The following ANPEP variants were observed in gnomAD, a reference collection of about 807,000 sequenced individuals.
The protein encoded by ANPEP is alanyl aminopeptidase, membrane, also known as aminopeptidase N.
ANPEP carries 70 observed loss-of-function variants against 114.6 expected under a neutral mutation model. The observed-to-expected ratio is 0.61, with a 90% CI of 0.50 to 0.75. The LOEUF (loss-of-function observed/expected upper bound fraction) is 0.75, where lower values mean the gene tolerates loss of function less well. Ranked by LOEUF, ANPEP falls within the 30% of genes least tolerant of loss-of-function variation. The pLI, the probability that ANPEP is intolerant of heterozygous loss-of-function variation, is 0.00. For missense variants in ANPEP, 1,184 were observed against 1,259.5 expected, an observed-to-expected ratio of 0.94 and a Z score of 0.91; for synonymous variants, 548 against 522.3, an observed-to-expected ratio of 1.05 and a Z score of -0.67.
At chr15:89,801,670 A>G in intron 10 of ANPEP, 63 bp from the exon 11 acceptor site, 1 of 1,573,336 alleles carries the variant, frequency 6.4e-7, no homozygotes, top group South Asian at 1.1e-5. Context: ...CATCCAGGGC[A>G]TCTCCTGCAG....
In ANPEP at chr15:89,792,341, G is replaced by C. The variant is rs1968646895; in HGVS notation, c.2361-14C>G. 6.2e-7 allele frequency: 1 copy of C among 1,613,922 alleles called. No individual in the cohort carries two copies. Among genetic ancestry groups the C allele is most frequent in the African/African-American group, 1.3e-5 (1 of 74,938 alleles). ...TTGGGGTGGATCCTGGTGTGGGGTA[G>C]GGAGGTCAGGTGTGGAACAGCAGCG... On this transcript the variant is annotated splice_polypyrimidine_tract_variant and intron_variant, in intron 17 of 20. Coordinates refer to ENST00000300060, the MANE Select transcript of ANPEP (RefSeq NM_001150.3).
At chr15:89,811,058 C>T (rs777030394) in intron 1 of ANPEP, among the ~76,000 whole-genome samples, 4 of 152,196 alleles carry the variant, frequency 2.6e-5, no homozygotes, top group African/African-American at 7.2e-5. Flanking sequence ...CTACACCTGG[C>T]GTGCAGTGGG....
In ANPEP at chr15:89,804,575, C is replaced by T. The variant is rs148047449; in HGVS notation, c.940G>A (p.Gly314Ser). 2.3e-5 allele frequency: 37 copies of T among 1,614,076 alleles called. No individual in the cohort carries two copies. The highest frequency in any genetic ancestry group is 1.3e-4 in the African/African-American group (10 of 75,052). ...CCCGTCACGTTCAGGGCATAATCGC[C>T]GTGGCCCGCCGCAATGGCACTGGGC... Reference protein sequence around the residue: ...ARPSAIAAGHGDYALNVTGPI... With the variant: ...ARPSAIAAGHSDYALNVTGPI... The change falls in exon 5 of 21, where the codon GGC (glycine) becomes AGC (serine). Residue 314 changes from glycine (G) to serine (S), a missense_variant. Coordinates refer to ENST00000300060, the MANE Select transcript of ANPEP (RefSeq NM_001150.3).
At chr15:89,805,869 G>C (rs1003848291) in intron 2 of ANPEP, 101 bp downstream of exon 2, 6 of 1,462,590 alleles carry the variant, frequency 4.1e-6, no homozygotes, top group East Asian at 4.6e-5. Context: ...GGCTCCACAG[G>C]GTTCAAAGGC....
rs531740824 is a variant in ANPEP, at chr15:89,813,727, C to A, written c.-224+1045G>T. ...ACCCCACACGCCCACCTCCCCTCCA[C>A]AAAACACATACCCTGAGGGGCCCTC... On this transcript the variant is annotated intron_variant, in intron 1 of 20. Transcript: ENST00000300060. Among the ~76,000 whole-genome samples the A allele has an allele frequency of 3.9e-5, 6 of 152,340 alleles. No homozygotes were observed. In the South Asian group the frequency reaches 1.2e-3, roughly 32 times the overall value.
At chr15:89,798,854 G>A (rs535914365) in intron 14 of ANPEP, among the ~76,000 whole-genome samples, 5 of 152,176 alleles carry the variant, frequency 3.3e-5, no homozygotes, top group Admixed American at 6.5e-5. Context: ...GCAGAGAATC[G>A]CTTGAACCTG....
intron 18 of ANPEP, 69 bp downstream of exon 18, chr15:89,792,084 CGAGGAGT>C (rs1968638172): frequency 6.6e-6 from 10 of 1,525,054 alleles, no homozygotes; most frequent in Non-Finnish European, 8.9e-6. Context: ...AAGGATCTGG[CGAGGAGT>C]GTGGAGGCCT....
Position 89,806,826 on chromosome 15 carries a change from T to C in ANPEP, c.-223-20A>G. 1.8e-6 allele frequency: 1 copy of C among 554,856 alleles called. No individual in the cohort carries two copies. The highest frequency in any genetic ancestry group is 3.1e-6 in the Non-Finnish European group (1 of 327,396). The allele number at this position is 554,856 out of a possible 1,614,324, so 34.4% of individuals were successfully genotyped here. A position where few individuals can be genotyped will look rare whatever the true frequency, so the allele number is the denominator to read the frequency against. On this transcript the variant is annotated intron_variant, in intron 1 of 20. Transcript: ENST00000300060. This position sits in a 1 kb window ranked among gnomAD's most constrained non-coding sequence, Gnocchi z 5.7. ...GGGTGCCTGCTGGAAGCAAACAGTGTCTGGTTACAGGCTGCAGGCGGCCTG... is the reference window on the plus strand; with the variant it reads ...GGGTGCCTGCTGGAAGCAAACAGTGCCTGGTTACAGGCTGCAGGCGGCCTG...
intron 20 of ANPEP, among the ~76,000 whole-genome samples, chr15:89,786,407 G>A (rs1427131783): frequency 6.8e-5 from 5 of 73,958 alleles, no homozygotes; most frequent in Admixed American, 1.1e-4. Context: ...TTTTTTTTGC[G>A]GAAATTGATC....
At chr15:89,813,268 G>C in intron 1 of ANPEP, among the ~76,000 whole-genome samples, 1 of 152,206 alleles carries the variant, frequency 6.6e-6, no homozygotes, top group East Asian at 1.9e-4. Flanking sequence ...GGCTCCTTCC[G>C]ACATGGGGAC....
intron 14 of ANPEP, 97 bp from the exon 15 acceptor site, chr15:89,797,819 C>T (rs1968759769): frequency 1.3e-6 from 2 of 1,517,346 alleles, no homozygotes; most frequent in Non-Finnish European, 1.8e-6. Flanking sequence ...CTCCACACCC[C>T]TAGGCCCCCT....
chr15:89,790,872 GC>G lies in ANPEP; in HGVS notation c.2669+80del. 2.0e-6 allele frequency: 3 copies of G among 1,535,256 alleles called. No individual in the cohort carries two copies. In the South Asian group the frequency reaches 3.7e-5, roughly 19 times the overall value. ...TGTCCACTTCTGGTTAGTGCCCCCG[GC>G]GTGTCTTACCCGCACAGGCCACCCC... On this transcript the variant is annotated intron_variant, in intron 19 of 20. Coordinates refer to ENST00000300060, the MANE Select transcript of ANPEP (RefSeq NM_001150.3).
chr15:89,797,405 C>G (rs1968749255), intron 15 of ANPEP, 170 bp downstream of exon 15: 2 of 1,008,484 alleles, frequency 2.0e-6, no homozygotes, highest in South Asian at 3.8e-5. Flanking sequence ...CCTGCGTGCT[C>G]TCAGGAGAGA....
At chr15:89,790,786 C>T (rs1323980883) in intron 19 of ANPEP, among the ~76,000 whole-genome samples, 167 bp downstream of exon 19, 3 of 152,190 alleles carry the variant, frequency 2.0e-5, no homozygotes, top group Non-Finnish European at 4.4e-5. Context: ...AAGGGACGGC[C>T]CATACCCCAG....
At chr15:89,800,523 G>GCACTACTT (rs1555441413) in intron 12 of ANPEP, among the ~76,000 whole-genome samples, 3 of 151,070 alleles carry the variant, frequency 2.0e-5, no homozygotes, top group African/African-American at 7.3e-5. Context: ...CATGTGCCAG[G>GCACTACTT]CACTACTTTA....
In ANPEP at chr15:89,803,137, C is replaced by G; in HGVS notation, c.1569+102G>C. 2.2e-6 allele frequency: 3 copies of G among 1,337,808 alleles called. No individual in the cohort carries two copies. Among genetic ancestry groups the G allele is most frequent in the Non-Finnish European group, 3.2e-6 (3 of 933,144 alleles). 82.9% of individuals were successfully genotyped at this position (1,337,808 alleles called of 1,614,324 possible). ...CATCCACCCTGCAGGGCTGGTCAGC[C>G]GCGGAGCTGGACCCATTCTCTTACG... On this transcript the variant is annotated intron_variant, in intron 10 of 20. Transcript: ENST00000300060. This position sits in a 1 kb window ranked among gnomAD's most constrained non-coding sequence, Gnocchi z 4.2.
chr15:89,790,954 CG>C lies in ANPEP; in HGVS notation c.2667del (p.Asn889LysfsTer17). The C allele has an allele frequency of 2.5e-6, 4 of 1,613,838 alleles. No homozygotes were observed. Among genetic ancestry groups the C allele is most frequent in the Non-Finnish European group, 3.4e-6 (4 of 1,179,842 alleles). ...FVQSNWKKLFNDYGGGSFSFS... is the reference protein window; with the variant it reads ...FVQSNWKKLFXDYGGGSFSFS... ...CTGACACCCATTCCACAGACTCACT[CG>C]TTAAAAAGCTTCTTCCAGTTGCTCT... On this transcript the variant is annotated frameshift_variant and splice_region_variant, in exon 19 of 21. Coordinates refer to ENST00000300060, the MANE Select transcript of ANPEP (RefSeq NM_001150.3). LOFTEE classifies it high-confidence loss of function.
At chr15:89,812,865 G>GAAA (rs1197948010) in intron 1 of ANPEP, among the ~76,000 whole-genome samples, 1 of 152,136 alleles carries the variant, frequency 6.6e-6, no homozygotes, top group Admixed American at 6.5e-5. Flanking sequence ...CATCTACTGT[G>GAAA]GCCGTGCCAA....
chr15:89,801,892 C>T (rs1894599880), intron 10 of ANPEP, among the ~76,000 whole-genome samples: 1 of 152,108 alleles, frequency 6.6e-6, no homozygotes, highest in Non-Finnish European at 1.5e-5. Flanking sequence ...CCAGGATGCC[C>T]ATGGCTCTTC....
Sources: allele counts gnomAD v4.1 joint callset (sites outside exome capture counted in the v4.1 genomes callset), GRCh38; gene constraint gnomAD v4.1.1; non-coding constraint Gnocchi (gnomAD v3.1); transcripts MANE v1.5; gene names NCBI Gene and HGNC (gene_info 2026-07-23, HGNC 2026-07-21).